RBFOX1: variants seen among roughly 807,000 people sequenced by gnomAD.
The protein encoded by RBFOX1 is RNA binding protein fox-1 homolog 1.
A neutral mutation model predicts 57.7 loss-of-function variants in RBFOX1; 8 were observed. That is an observed-to-expected ratio of 0.14 (90% CI 0.08 to 0.25). RBFOX1 has a LOEUF of 0.25. Ranked by LOEUF, RBFOX1 falls within the 10% of genes least tolerant of loss-of-function variation. The probability of loss-of-function intolerance (pLI) is 1.00; values close to 1 mark genes in which losing one functional copy is unlikely to be tolerated. For missense variants in RBFOX1, 611 were observed against 548.5 expected (o/e 1.11, Z -1.14); for synonymous variants, 326 against 222.4 (o/e 1.47, Z -4.15).
downstream of RBFOX1, among the ~76,000 whole-genome samples, chr16:5,600,795 A>C (rs1340665583): frequency 6.6e-6 from 1 of 152,206 alleles, no homozygotes; most frequent in Non-Finnish European, 1.5e-5. Context: ...AGGGATGATG[A>C]AAAATGACAA....
intron 2 of RBFOX1, among the ~76,000 whole-genome samples, chr16:6,420,063 C>G (rs2093731529): frequency 6.6e-6 from 1 of 152,120 alleles, no homozygotes; most frequent in South Asian, 2.1e-4. Flanking sequence ...CACTTAATTT[C>G]CTTGTTTTGC....
intron 3 of RBFOX1, among the ~76,000 whole-genome samples, chr16:7,039,838 C>A (rs889703015): frequency 6.6e-6 from 1 of 152,074 alleles, no homozygotes; most frequent in East Asian, 1.9e-4. Context: ...TAGAAGCAGA[C>A]GAGGCAAAGC....
rs1399203333 is a variant in RBFOX1, at chr16:6,884,221, C to T, written c.-15-167836C>T. On this transcript the variant is annotated intron_variant, in intron 3 of 15. Coordinates refer to ENST00000550418, the MANE Select transcript of RBFOX1 (RefSeq NM_018723.4). ...CCTGGCTCATGTGCAGTCAGCCATGCTGCAGAGGCCAGGGACCCAGGGAGC... is the reference window on the plus strand; with the variant it reads ...CCTGGCTCATGTGCAGTCAGCCATGTTGCAGAGGCCAGGGACCCAGGGAGC... Among the ~76,000 whole-genome samples the T allele has an allele frequency of 2.0e-5, 3 of 152,212 alleles. No individual in the cohort carries two copies. In the East Asian group the frequency reaches 5.8e-4, roughly 29 times the overall value.
intron 4 of RBFOX1, among the ~76,000 whole-genome samples, chr16:7,243,435 G>C (rs2094154479): frequency 6.6e-6 from 1 of 152,088 alleles, no homozygotes; most frequent in African/African-American, 2.4e-5. Context: ...TATTACCTTT[G>C]GTTGACATTA....
chr16:5,341,458 T>G (rs1054346186), intron 1 of RBFOX1, among the ~76,000 whole-genome samples: 3 of 151,918 alleles, frequency 2.0e-5, no homozygotes, highest in African/African-American at 7.3e-5. Flanking sequence ...AGTGATTGGA[T>G]TGAGGATATC....
intron 3 of RBFOX1, among the ~76,000 whole-genome samples, chr16:6,980,914 G>A (rs1173837646): frequency 6.6e-6 from 1 of 151,754 alleles, no homozygotes; most frequent in Non-Finnish European, 1.5e-5. Context: ...ATGGTGGTGT[G>A]TGCTTGTAAT....
At chr16:5,563,032 C>T (rs920462924) in intron 2 of RBFOX1, among the ~76,000 whole-genome samples, 1 of 152,170 alleles carries the variant, frequency 6.6e-6, no homozygotes, top group Non-Finnish European at 1.5e-5. Context: ...TCACTGCAAC[C>T]TCTGCCTCCC....
chr16:6,982,460 C>T lies in RBFOX1; in HGVS notation c.-15-69597C>T, dbSNP rs889112296. ...TTAAGTCCTTTCATTGCAGCGAGCT[C>T]CTTCTCATTCGTTCATGAGAGTCGT... On this transcript the variant is annotated intron_variant, in intron 3 of 15. Transcript: ENST00000550418. Among the ~76,000 whole-genome samples, 248 of 152,248 alleles carry T rather than the reference C, an allele frequency of 1.6e-3. 2 individuals carry two copies. The highest frequency in any genetic ancestry group is 6.8e-4 in the Non-Finnish European group (46 of 68,014).
At chr16:7,222,593 G>C (rs1319856170) in intron 4 of RBFOX1, among the ~76,000 whole-genome samples, 1 of 152,180 alleles carries the variant, frequency 6.6e-6, no homozygotes, top group African/African-American at 2.4e-5. Flanking sequence ...GTTCCTGCCT[G>C]GGTTCAAATC....
At chr16:6,726,397 C>CTTT (rs5815344) in intron 3 of RBFOX1, among the ~76,000 whole-genome samples, 2 of 146,978 alleles carry the variant, frequency 1.4e-5, no homozygotes, top group East Asian at 2.0e-4. Context: ...GCTATTTTTT[C>CTTT]TTTTTTTTTT....
chr16:5,511,291 T>G (rs1470316762), intron 2 of RBFOX1, among the ~76,000 whole-genome samples: 1 of 152,338 alleles, frequency 6.6e-6, no homozygotes, highest in East Asian at 1.9e-4. Context: ...TGAGGTCTTT[T>G]CAAAAGCTAA....
intron 4 of RBFOX1, among the ~76,000 whole-genome samples, chr16:7,339,162 C>G (rs915521108): frequency 6.6e-6 from 1 of 152,134 alleles, no homozygotes; most frequent in Non-Finnish European, 1.5e-5. Context: ...CCTCACCAAG[C>G]CTCAGTTTTC....
At position 6,890,500 on chromosome 16, in the gene RBFOX1, C is replaced by T. The variant is rs951594908; in HGVS notation, c.-15-161557C>T. On this transcript the variant is annotated intron_variant, in intron 3 of 15. Transcript: ENST00000550418. ...CACCATGGCACTCCAGCCTGGGCAA[C>T]AGAGCGAGACTCCATCTCAAAACAA... 2.0e-5 allele frequency among the ~76,000 whole-genome samples: 3 copies of T among 147,770 alleles called. No individual in the cohort carries two copies. In the East Asian group the frequency reaches 6.3e-4, roughly 31 times the overall value.
intron 1 of RBFOX1, among the ~76,000 whole-genome samples, chr16:6,028,200 A>C (rs968600500): frequency 5.9e-5 from 9 of 152,144 alleles, no homozygotes; most frequent in African/African-American, 2.2e-4. Flanking sequence ...TTTCTTCAGT[A>C]TCCTTAGAAA....
chr16:5,758,851 T>A (rs1034220746), intron 3 of RBFOX1, among the ~76,000 whole-genome samples: 3 of 152,188 alleles, frequency 2.0e-5, no homozygotes, highest in African/African-American at 7.2e-5. Flanking sequence ...GGTTTGTTAA[T>A]GTCCCACTGT....
intron 4 of RBFOX1, among the ~76,000 whole-genome samples, chr16:7,102,400 T>G (rs2151385555): frequency 6.6e-6 from 1 of 152,314 alleles, no homozygotes; most frequent in East Asian, 1.9e-4. Context: ...AAATAGTCGC[T>G]TTCAAGCATT....
chr16:6,608,922 T>C (rs2097992247), intron 2 of RBFOX1, among the ~76,000 whole-genome samples: 4 of 152,298 alleles, frequency 2.6e-5, no homozygotes, highest in Admixed American at 2.0e-4. Context: ...TTCCCAACTT[T>C]TAGAATCCAC....
chr16:5,368,894 A>G (rs964884759), intron 1 of RBFOX1, among the ~76,000 whole-genome samples: 17 of 152,154 alleles, frequency 1.1e-4, no homozygotes, highest in African/African-American at 4.1e-4. Flanking sequence ...TTTATGTGAT[A>G]TGAGTTAGGT....
chr16:6,158,085 C>T (rs1035525555), intron 1 of RBFOX1, among the ~76,000 whole-genome samples: 3 of 152,058 alleles, frequency 2.0e-5, no homozygotes, highest in African/African-American at 4.8e-5. Context: ...GGGGAGATTC[C>T]CCGAGATAAA....
Sources: gnomAD v4.1 joint callset for allele counts (sites outside exome capture counted in the v4.1 genomes callset) on GRCh38, gnomAD v4.1.1 for gene constraint, MANE v1.5 for transcripts, NCBI Gene and HGNC (gene_info 2026-07-23, HGNC 2026-07-21) for gene names.